Variants in CATSPERD observed in about 807,000 individuals in gnomAD.
CATSPERD encodes the protein cation channel sperm-associated auxiliary subunit delta.
CATSPERD carries 86 observed loss-of-function variants against 98.1 expected under a neutral mutation model. The observed-to-expected ratio is 0.88, with a 90% confidence interval of 0.74 to 1.05. The LOEUF is 1.05. Among genes scored for constraint, CATSPERD ranks in the 50% least tolerant of loss-of-function variants. The pLI is 0.00. For synonymous variants in CATSPERD, 394 were observed against 390.2 expected, an observed-to-expected ratio of 1.01 and a Z score of -0.12; for missense variants, 995 against 1,005.7, an observed-to-expected ratio of 0.99 and a Z score of 0.14.
At chr19:5,770,824 C>T (rs1026913876) in intron 18 of CATSPERD, 120 bp from the exon 19 acceptor site, 2 of 1,201,980 alleles carry the variant, frequency 1.7e-6, no homozygotes, top group African/African-American at 3.1e-5. Flanking sequence ...CCTCAGATGC[C>T]ACCTCCTGCC....
chr19:5,742,263 C>T (rs1342673639), intron 7 of CATSPERD, among the ~76,000 whole-genome samples: 12 of 124,804 alleles, frequency 9.6e-5, no homozygotes, highest in African/African-American at 2.5e-4. Context: ...TGTGGGTGTG[C>T]GTGTGCATGT....
intron 19 of CATSPERD, among the ~76,000 whole-genome samples, chr19:5,771,642 C>T (rs1390957020): frequency 6.6e-6 from 1 of 150,540 alleles, no homozygotes; most frequent in Non-Finnish European, 1.5e-5. Flanking sequence ...ATGATCTTGG[C>T]TTACTGCAAC....
Position 5,729,759 on chromosome 19 carries a change from C to T in CATSPERD, c.204-113C>T. 5 of 622,906 alleles carry T rather than the reference C, an allele frequency of 8.0e-6. No individual in the cohort carries two copies. The East Asian group carries it at 8.4e-5, about 10-fold the overall frequency. The allele number at this position is 622,906 out of a possible 1,614,324, so 38.6% of individuals were successfully genotyped here. A position where few individuals can be genotyped will look rare whatever the true frequency, so the allele number is the denominator to read the frequency against. On this transcript the variant is annotated intron_variant, in intron 3 of 21. Coordinates refer to ENST00000381624, the MANE Select transcript of CATSPERD (RefSeq NM_152784.4). ...TAAGTAAATTATATCTAAATGACTC[C>T]TGGTTACAATACAAATTTTGTTTGA...
intron 7 of CATSPERD, among the ~76,000 whole-genome samples, chr19:5,743,037 C>T (rs2056019320): frequency 6.6e-6 from 1 of 152,168 alleles, no homozygotes; most frequent in Admixed American, 6.6e-5. Context: ...GGCTCGATGG[C>T]TCACGCCTGT....
At chr19:5,767,408 C>T (rs986518637) in intron 17 of CATSPERD, among the ~76,000 whole-genome samples, 4 of 149,624 alleles carry the variant, frequency 2.7e-5, no homozygotes, top group African/African-American at 4.9e-5. Context: ...GCTGGGGTCT[C>T]TCAGGTTTTT....
At chr19:5,740,436 A>C (rs986089222) in intron 7 of CATSPERD, among the ~76,000 whole-genome samples, 1 of 150,874 alleles carries the variant, frequency 6.6e-6, no homozygotes, top group African/African-American at 2.4e-5. Flanking sequence ...AAAAATACAA[A>C]ATTAGCTGGG....
rs757052375 is a variant in CATSPERD, at chr19:5,745,967, G to A, written c.712G>A (p.Asp238Asn). Residue 238 changes from aspartate to asparagine, a missense_variant, in exon 9 of 22, where the codon GAC becomes AAC. Asp to Asn is a conservative substitution (Grantham distance 23). Transcript: ENST00000381624. Reference sequence around the variant, plus strand: ...CAACCGGAGTTTCGGGCTGTCTTTTGACTATAATGGGACTCTAGACATCCT... The same window carrying A: ...CAACCGGAGTTTCGGGCTGTCTTTTAACTATAATGGGACTCTAGACATCCT... ...PLNRSFGLSF[D>N]YNGTLDILIA... 8 of 1,613,994 alleles carry A rather than the reference G, an allele frequency of 5.0e-6. No individual in the cohort carries two copies. Among genetic ancestry groups the A allele is most frequent in the African/African-American group, 1.3e-5 (1 of 74,912 alleles).
intron 7 of CATSPERD, among the ~76,000 whole-genome samples, chr19:5,743,623 TAGC>T (rs1568351920): frequency 1.4e-5 from 1 of 70,490 alleles, no homozygotes; most frequent in Non-Finnish European, 3.2e-5. Context: ...AGAAAAAAGA[TAGC>T]AGTCTTAGTC....
At chr19:5,724,722 A>C in intron 1 of CATSPERD, 86 bp from the exon 2 acceptor site, 2 of 1,307,274 alleles carry the variant, frequency 1.5e-6, no homozygotes, top group African/African-American at 1.5e-5. Context: ...CAGATACTTT[A>C]GGGTTAACCC....
At chr19:5,729,004 A>ATC (rs148496575) in intron 3 of CATSPERD, among the ~76,000 whole-genome samples, 2,199 of 145,472 alleles carry the variant, frequency 0.015, 57 homozygotes, top group African/African-American at 0.05. Context: ...CTGGCCATCC[A>ATC]TCTCTCTCTC....
At chr19:5,754,544 A>C (rs1183697655) in intron 13 of CATSPERD, among the ~76,000 whole-genome samples, 2 of 150,120 alleles carry the variant, frequency 1.3e-5, no homozygotes, top group South Asian at 2.1e-4. Context: ...GATTACCAGC[A>C]TGTGCCACCA....
chr19:5,751,251 G>A (rs1306058063), intron 11 of CATSPERD, among the ~76,000 whole-genome samples: 5 of 124,852 alleles, frequency 4.0e-5, no homozygotes, highest in East Asian at 2.4e-4. Context: ...AAGGCCTGGC[G>A]CGGTGGCTCA....
At chr19:5,772,549 C>G in intron 19 of CATSPERD, 1 of 488,440 alleles carries the variant, frequency 2.0e-6, no homozygotes, top group Non-Finnish European at 3.7e-6. Flanking sequence ...TTCCTTCCAC[C>G]CTGTTATCAA....
chr19:5,752,479 A>G (rs979045507), intron 12 of CATSPERD, among the ~76,000 whole-genome samples: 2 of 152,050 alleles, frequency 1.3e-5, no homozygotes, highest in Admixed American at 1.3e-4. Context: ...CGTTTCTAAA[A>G]CACTAATTTA....
chr19:5,767,723 C>T (rs1158488989), intron 17 of CATSPERD, among the ~76,000 whole-genome samples: 2 of 151,406 alleles, frequency 1.3e-5, no homozygotes, highest in African/African-American at 4.9e-5. Flanking sequence ...TCCCAAAGTG[C>T]TGGGATTACA....
chr19:5,739,359 G>T lies in CATSPERD; in HGVS notation c.493G>T (p.Gly165Ter). The T allele has an allele frequency of 6.3e-7, 1 of 1,586,110 alleles. No individual in the cohort carries two copies. The change falls in exon 7 of 22, where the codon GGA becomes TGA. Residue 165 changes from glycine to a stop codon, truncating the protein, a stop_gained. Transcript: ENST00000381624. LOFTEE classifies it high-confidence loss of function. ...VSNLVFAYFR[G>*]DQISQTYIYY... ...TAATTTGGTTTTTGCATATTTCCGTGGAGATCAGATATCCCAGACTTATAT... is the reference window on the plus strand; with the variant it reads ...TAATTTGGTTTTTGCATATTTCCGTTGAGATCAGATATCCCAGACTTATAT...
chr19:5,761,441 ATGGC>A (rs1568366363), intron 15 of CATSPERD, among the ~76,000 whole-genome samples: 1 of 151,568 alleles, frequency 6.6e-6, no homozygotes, highest in Non-Finnish European at 1.5e-5. Flanking sequence ...GGATGGATGG[ATGGC>A]TGGCTGGCTG....
At position 5,733,987 on chromosome 19, in the gene CATSPERD, T is replaced by C; in HGVS notation, c.391+17T>C. On this transcript the variant is annotated intron_variant, in intron 5 of 21. Transcript: ENST00000381624. ...TGTCTTTAGGTATGTACATTTTGTATTTTTAAATTTTGTTTGAGTGTAGTC... is the reference window on the plus strand; with the variant it reads ...TGTCTTTAGGTATGTACATTTTGTACTTTTAAATTTTGTTTGAGTGTAGTC... 6 of 1,519,146 alleles carry C rather than the reference T, an allele frequency of 3.9e-6. No individual in the cohort carries two copies. Among genetic ancestry groups the C allele is most frequent in the Non-Finnish European group, 4.5e-6 (5 of 1,107,412 alleles). 94.1% of individuals were successfully genotyped at this position (1,519,146 alleles called of 1,614,324 possible).
intron 10 of CATSPERD, among the ~76,000 whole-genome samples, 156 bp from the exon 11 acceptor site, chr19:5,748,945 G>A (rs1439884452): frequency 1.3e-5 from 2 of 151,534 alleles, no homozygotes; most frequent in African/African-American, 4.8e-5. Flanking sequence ...GGCCAGGCTG[G>A]TCTCAAACTC....
Sources: allele counts gnomAD v4.1 joint callset (sites outside exome capture counted in the v4.1 genomes callset), GRCh38; gene constraint gnomAD v4.1.1; transcripts MANE v1.5; gene names NCBI Gene and HGNC (gene_info 2026-07-23, HGNC 2026-07-21).